MAGI1: variants seen among roughly 807,000 people sequenced by gnomAD.
MAGI1 encodes the protein membrane associated guanylate kinase, WW and PDZ domain containing 1, also known as membrane-associated guanylate kinase, WW and PDZ domain-containing protein 1.
Under a neutral mutation model 139.9 loss-of-function variants are expected in MAGI1, and 58 were observed. That is an observed-to-expected ratio of 0.41 (90% CI 0.34 to 0.52). The LOEUF (loss-of-function observed/expected upper bound fraction) is 0.52. MAGI1 is among the 20% of genes least tolerant of loss of function. The pLI, the probability that MAGI1 is intolerant of heterozygous loss-of-function variation, is 0.12. For missense variants in MAGI1, 1,874 were observed against 1,901.6 expected (o/e 0.99, Z 0.27); for synonymous variants, 812 against 737.9 (o/e 1.10, Z -1.63).
chr3:65,961,985 G>T (rs929096683), intron 1 of MAGI1, among the ~76,000 whole-genome samples: 2 of 152,154 alleles, frequency 1.3e-5, no homozygotes, highest in South Asian at 4.1e-4. Flanking sequence ...TCCAAATTGG[G>T]ACAGCTTCCA....
chr3:65,876,469 G>A (rs141860994), intron 1 of MAGI1, among the ~76,000 whole-genome samples: 3,706 of 152,008 alleles, frequency 0.024, 77 homozygotes, highest in Middle Eastern at 0.044. Flanking sequence ...TGGGTTTTAC[G>A]GAGTAAAACA....
intron 1 of MAGI1, among the ~76,000 whole-genome samples, chr3:65,999,850 T>G (rs962543933): frequency 1.3e-5 from 2 of 151,686 alleles, no homozygotes; most frequent in Non-Finnish European, 2.9e-5. Context: ...AGAGAGCCAC[T>G]GTAACCACAC....
intron 1 of MAGI1, among the ~76,000 whole-genome samples, chr3:65,703,960 A>C (rs1486288229): frequency 6.6e-6 from 1 of 152,216 alleles, no homozygotes; most frequent in Admixed American, 6.5e-5. Flanking sequence ...TCACTTGCTT[A>C]GAATTCAGTG....
chr3:65,659,304 A>T (rs1197968510), intron 1 of MAGI1, among the ~76,000 whole-genome samples: 1 of 152,202 alleles, frequency 6.6e-6, no homozygotes, highest in African/African-American at 2.4e-5. Context: ...ATAACTAGCA[A>T]AAAAGAGACT....
intron 6 of MAGI1, among the ~76,000 whole-genome samples, chr3:65,452,213 T>C (rs185824465): frequency 3.9e-5 from 6 of 152,296 alleles, no homozygotes; most frequent in Admixed American, 2.6e-4. Context: ...GTAACTCAGA[T>C]AAATACCAAC....
intron 1 of MAGI1, among the ~76,000 whole-genome samples, chr3:65,791,372 TTAAGAATATTCTTAAGC>T: frequency 6.6e-6 from 1 of 152,214 alleles, no homozygotes; most frequent in African/African-American, 2.4e-5. Flanking sequence ...TCAACCTTGG[TTAAGAATATTCTTAAGC>T]CTACAGCCTG....
At position 65,665,285 on chromosome 3, in the gene MAGI1, A is replaced by T. The variant is rs183039065; in HGVS notation, c.314-43197T>A. On this transcript the variant is annotated intron_variant, in intron 1 of 22. Coordinates refer to ENST00000402939, the MANE Select transcript of MAGI1 (RefSeq NM_001033057.2). ...TGAATCCACAATAATATATGTCCAG[A>T]AAAAGAAAACGGAAATTGGCTGATC... is the stretch of plus-strand genomic sequence containing the variant. 1.5e-4 allele frequency among the ~76,000 whole-genome samples: 23 copies of T among 152,324 alleles called. No homozygotes were observed. The East Asian group carries it at 3.7e-3, about 24-fold the overall frequency.
intron 1 of MAGI1, among the ~76,000 whole-genome samples, chr3:65,852,824 G>A (rs116403035): frequency 1.3e-3 from 202 of 152,008 alleles, no homozygotes; most frequent in African/African-American, 4.6e-3. Flanking sequence ...TTAAGCAATC[G>A]GCAAAGTATC....
At chr3:65,721,372 T>G (rs1488024752) in intron 1 of MAGI1, among the ~76,000 whole-genome samples, 1 of 152,194 alleles carries the variant, frequency 6.6e-6, no homozygotes, top group Non-Finnish European at 1.5e-5. Flanking sequence ...CAAACCAGGA[T>G]GCATTTGAGA....
At chr3:65,940,375 T>C (rs142989899) in intron 1 of MAGI1, among the ~76,000 whole-genome samples, 1 of 152,228 alleles carries the variant, frequency 6.6e-6, no homozygotes, top group Non-Finnish European at 1.5e-5. Context: ...GGCTGAAGTC[T>C]AAGATCAGGG....
intron 1 of MAGI1, among the ~76,000 whole-genome samples, chr3:65,795,726 C>CACACACACACACACACAG: frequency 6.7e-6 from 1 of 149,150 alleles, no homozygotes; most frequent in Non-Finnish European, 1.5e-5. Flanking sequence ...CACACACACA[C>CACACACACACACACACAG]GGAGAGAGAG....
chr3:65,400,738 A>C (rs1269982545), intron 13 of MAGI1, among the ~76,000 whole-genome samples: 1 of 146,688 alleles, frequency 6.8e-6, no homozygotes, highest in East Asian at 2.0e-4. Flanking sequence ...TGGAAAGGAC[A>C]GCAAAACATT....
chr3:65,781,392 C>T (rs538463355), intron 1 of MAGI1, among the ~76,000 whole-genome samples: 32 of 152,136 alleles, frequency 2.1e-4, no homozygotes, highest in African/African-American at 7.5e-4. Context: ...GTTTCATCTT[C>T]GCAAATGCCT....
At chr3:65,974,224 A>C (rs1214183157) in intron 1 of MAGI1, among the ~76,000 whole-genome samples, 1 of 151,962 alleles carries the variant, frequency 6.6e-6, no homozygotes, top group Non-Finnish European at 1.5e-5. Context: ...TTAGCATCCT[A>C]ATCACTATGC....
intron 1 of MAGI1, among the ~76,000 whole-genome samples, chr3:65,640,316 CAATTCTT>C (rs757920930): frequency 6.6e-6 from 1 of 152,144 alleles, no homozygotes; most frequent in Non-Finnish European, 1.5e-5. Flanking sequence ...GCATTCTACT[CAATTCTT>C]AATGAATATT....
At chr3:65,782,370 A>G (rs6774020) in intron 1 of MAGI1, among the ~76,000 whole-genome samples, 10,967 of 152,194 alleles carry the variant, frequency 0.072, 625 homozygotes, top group African/African-American at 0.15. Context: ...TCAAGGAAAC[A>G]GATTCTCCCA....
intron 1 of MAGI1, among the ~76,000 whole-genome samples, chr3:65,860,551 C>A (rs1021688093): frequency 2.0e-5 from 3 of 152,158 alleles, no homozygotes; most frequent in African/African-American, 7.2e-5. Context: ...AACAGGTCCT[C>A]GGAGTGTGCT....
At chr3:65,422,200 A>G (rs1946676576) in intron 12 of MAGI1, among the ~76,000 whole-genome samples, 1 of 152,210 alleles carries the variant, frequency 6.6e-6, no homozygotes, top group Non-Finnish European at 1.5e-5. Context: ...GTGCGGACAG[A>G]TGGACTGAGA....
At chr3:65,554,567 G>C (rs539758700) in intron 2 of MAGI1, among the ~76,000 whole-genome samples, 8 of 152,172 alleles carry the variant, frequency 5.3e-5, no homozygotes, top group Non-Finnish European at 1.0e-4. Context: ...CACATGCAAA[G>C]AAGAAGCAAC....
Sources: gnomAD v4.1 joint callset for allele counts (sites outside exome capture counted in the v4.1 genomes callset) on GRCh38, gnomAD v4.1.1 for gene constraint, MANE v1.5 for transcripts, NCBI Gene and HGNC (gene_info 2026-07-23, HGNC 2026-07-21) for gene names.